The following BEND6 variants were observed in gnomAD, a reference collection of about 807,000 sequenced individuals.
BEND6 encodes BEN domain-containing protein 6.
A neutral mutation model predicts 31.8 loss-of-function variants in BEND6; 24 were observed. The observed-to-expected ratio is 0.75, with a 90% CI of 0.55 to 1.06. BEND6 has a LOEUF of 1.06. BEND6 is among the 50% of genes least tolerant of loss of function. BEND6 has a pLI of 0.00. For synonymous variants in BEND6, 109 were observed against 114.6 expected, an observed-to-expected ratio of 0.95 and a Z score of 0.31; for missense variants, 294 against 327.4, an observed-to-expected ratio of 0.90 and a Z score of 0.79.
chr6:56,984,762 C>G (rs990007370), intron 2 of BEND6, among the ~76,000 whole-genome samples: 1 of 152,096 alleles, frequency 6.6e-6, no homozygotes. Context: ...TGACAGTTAT[C>G]TAAACAATAT....
chr6:56,978,411 G>A (rs1442215609), intron 1 of BEND6, among the ~76,000 whole-genome samples: 1 of 152,160 alleles, frequency 6.6e-6, no homozygotes, highest in East Asian at 1.9e-4. Flanking sequence ...GAAACCCTAT[G>A]CCAATTTCCT....
At chr6:57,000,878 T>A (rs1593008952) in intron 3 of BEND6, among the ~76,000 whole-genome samples, 1 of 117,406 alleles carries the variant, frequency 8.5e-6, no homozygotes. Context: ...ATTAAACACT[T>A]CCTCTGAAAA....
At chr6:56,975,360 C>T (rs1230437943) in intron 1 of BEND6, among the ~76,000 whole-genome samples, 6 of 152,066 alleles carry the variant, frequency 3.9e-5, no homozygotes, top group East Asian at 3.9e-4. Flanking sequence ...GAAAATGCCT[C>T]TCAACATCGT....
intron 2 of BEND6, among the ~76,000 whole-genome samples, chr6:56,991,777 T>G (rs1826512036): frequency 6.6e-6 from 1 of 152,080 alleles, no homozygotes; most frequent in Admixed American, 6.6e-5. Flanking sequence ...ATATAAAAAA[T>G]AAAACCTCAC....
chr6:56,974,244 C>A (rs1188166214), intron 1 of BEND6, among the ~76,000 whole-genome samples: 1 of 151,728 alleles, frequency 6.6e-6, no homozygotes, highest in African/African-American at 2.4e-5. Flanking sequence ...GATGGCCTGC[C>A]CCCCAGAAAA....
intron 1 of BEND6, among the ~76,000 whole-genome samples, chr6:56,961,182 T>C (rs1247224200): frequency 6.6e-6 from 1 of 152,190 alleles, no homozygotes; most frequent in Non-Finnish European, 1.5e-5. Flanking sequence ...TCTGAACTCG[T>C]ATAAGTCATT....
At chr6:57,016,537 C>G (rs1827566025) in intron 4 of BEND6, among the ~76,000 whole-genome samples, 1 of 152,182 alleles carries the variant, frequency 6.6e-6, no homozygotes, top group Admixed American at 6.5e-5. Context: ...CATTTTCTTG[C>G]TGGTTGTAAA....
chr6:56,970,940 T>G (rs1285216649), intron 1 of BEND6, among the ~76,000 whole-genome samples: 1 of 152,188 alleles, frequency 6.6e-6, no homozygotes, highest in Non-Finnish European at 1.5e-5. Context: ...AACTAATTTG[T>G]TTTTCTCCAA....
At chr6:56,993,205 T>A (rs1204260569) in intron 3 of BEND6, among the ~76,000 whole-genome samples, 1 of 152,264 alleles carries the variant, frequency 6.6e-6, no homozygotes, top group East Asian at 1.9e-4. Context: ...TATGTGATGT[T>A]CATGTGTTTA....
intron 3 of BEND6, chr6:57,014,551 C>A: frequency 6.9e-7 from 1 of 1,456,872 alleles, no homozygotes; most frequent in Non-Finnish European, 9.2e-7. Flanking sequence ...AAAAAAGGAA[C>A]AAAGAAAATA....
intron 2 of BEND6, among the ~76,000 whole-genome samples, chr6:56,982,501 C>T (rs925004036): frequency 6.6e-6 from 1 of 152,118 alleles, no homozygotes; most frequent in Non-Finnish European, 1.5e-5. Flanking sequence ...CCTTTTAAAT[C>T]TGAATTCCCC....
At chr6:57,002,584 T>C (rs537619907) in intron 3 of BEND6, among the ~76,000 whole-genome samples, 1 of 141,558 alleles carries the variant, frequency 7.1e-6, no homozygotes, top group African/African-American at 2.6e-5. Flanking sequence ...CACAATTACA[T>C]GAAAATTAAA....
chr6:57,005,658 C>T (rs1347512881), intron 3 of BEND6, among the ~76,000 whole-genome samples: 2 of 148,876 alleles, frequency 1.3e-5, no homozygotes, highest in African/African-American at 2.5e-5. Flanking sequence ...CCACCCTGGG[C>T]GACAGAGCGA....
chr6:57,003,034 C>A (rs924032984), intron 3 of BEND6, among the ~76,000 whole-genome samples: 2 of 152,074 alleles, frequency 1.3e-5, no homozygotes, highest in African/African-American at 4.8e-5. Flanking sequence ...TTACAACTGA[C>A]GCCACAGAAA....
intron 4 of BEND6, 92 bp from the exon 5 acceptor site, chr6:57,017,115 A>G: frequency 1.4e-6 from 1 of 697,578 alleles, no homozygotes; most frequent in Non-Finnish European, 2.1e-6. Flanking sequence ...AAATGTTGAC[A>G]TTGTTTTCTT....
At chr6:57,006,700 A>C (rs558011590) in intron 3 of BEND6, among the ~76,000 whole-genome samples, 1 of 152,370 alleles carries the variant, frequency 6.6e-6, no homozygotes, top group Non-Finnish European at 1.5e-5. Flanking sequence ...TTCCTATCAA[A>C]ATACCAATGA....
chr6:57,004,769 A>T, intron 3 of BEND6: 7 of 1,025,286 alleles, frequency 6.8e-6, no homozygotes, highest in African/African-American at 1.6e-5. Context: ...CACCTGAATG[A>T]GCAGGTGAAA....
chr6:57,024,687 C>G (rs1404746851), intron 6 of BEND6, among the ~76,000 whole-genome samples: 1 of 152,104 alleles, frequency 6.6e-6, no homozygotes. Flanking sequence ...TTTGGGTAGT[C>G]TTATTTGAGT....
At chr6:56,984,272 T>C (rs1826174999) in intron 2 of BEND6, among the ~76,000 whole-genome samples, 1 of 152,062 alleles carries the variant, frequency 6.6e-6, no homozygotes, top group African/African-American at 2.4e-5. Context: ...TGTGACAATT[T>C]ATCTGGGAAA....
Sources: allele counts gnomAD v4.1 joint callset (sites outside exome capture counted in the v4.1 genomes callset), GRCh38; gene constraint gnomAD v4.1.1; transcripts MANE v1.5; gene names NCBI Gene and HGNC (gene_info 2026-07-23, HGNC 2026-07-21).